IGF1R: variants seen among roughly 807,000 people sequenced by gnomAD.
The protein encoded by IGF1R is insulin-like growth factor 1 receptor.
A neutral mutation model predicts 144.6 loss-of-function variants in IGF1R; 44 were observed. That is an observed-to-expected ratio of 0.30 (90% CI 0.24 to 0.39). IGF1R has a LOEUF of 0.39. Among genes scored for constraint, IGF1R ranks in the 10% least tolerant of loss-of-function variants. The pLI, the probability that IGF1R is intolerant of heterozygous loss-of-function variation, is 1.00. For synonymous variants in IGF1R, 795 were observed against 722.8 expected (o/e 1.10, Z -1.60); for missense variants, 1,355 against 1,833.7 (o/e 0.74, Z 4.77).
intron 2 of IGF1R, among the ~76,000 whole-genome samples, chr15:98,827,575 A>G (rs2056916826): frequency 6.6e-6 from 1 of 152,016 alleles, no homozygotes; most frequent in Non-Finnish European, 1.5e-5. Context: ...GGCCTTTTAA[A>G]CCAACTCTCA....
At chr15:98,873,164 A>AT (rs767092679) in intron 2 of IGF1R, among the ~76,000 whole-genome samples, 20 of 152,084 alleles carry the variant, frequency 1.3e-4, no homozygotes, top group Admixed American at 7.2e-4. Context: ...CAGCTGGTAA[A>AT]TTTTTTTACA....
At chr15:98,898,257 C>G (rs1426070094) in intron 4 of IGF1R, among the ~76,000 whole-genome samples, 2 of 152,214 alleles carry the variant, frequency 1.3e-5, no homozygotes, top group African/African-American at 4.8e-5. Flanking sequence ...AGTGCCTAAA[C>G]TTTTTTATCT....
chr15:98,916,918 C>T (rs1302095481), intron 10 of IGF1R, 42 bp downstream of exon 10: 4 of 1,556,950 alleles, frequency 2.6e-6, no homozygotes, highest in African/African-American at 1.4e-5. Context: ...AAACCCACTG[C>T]TCAGGCCGGT....
At chr15:98,872,163 C>T (rs1430180578) in intron 2 of IGF1R, among the ~76,000 whole-genome samples, 6 of 152,194 alleles carry the variant, frequency 3.9e-5, no homozygotes, top group African/African-American at 2.4e-5. Flanking sequence ...AGATTATTTT[C>T]GAGCGAATGG....
At chr15:98,901,388 C>T (rs2014475127) in intron 5 of IGF1R, among the ~76,000 whole-genome samples, 1 of 152,192 alleles carries the variant, frequency 6.6e-6, no homozygotes, top group African/African-American at 2.4e-5. Flanking sequence ...TCTTTTACCT[C>T]CCGATGGGAA....
chr15:98,786,414 T>C (rs2055998512), intron 2 of IGF1R, among the ~76,000 whole-genome samples: 1 of 151,994 alleles, frequency 6.6e-6, no homozygotes, highest in African/African-American at 2.4e-5. Flanking sequence ...AAAACACCTC[T>C]AGATTTTTCT....
At chr15:98,771,717 C>T (rs1328805585) in intron 2 of IGF1R, among the ~76,000 whole-genome samples, 2 of 141,058 alleles carry the variant, frequency 1.4e-5, no homozygotes, top group East Asian at 2.1e-4. Flanking sequence ...TGAACATTTT[C>T]ATGTTCAAAT....
chr15:98,865,189 T>A (rs932493516), intron 2 of IGF1R, among the ~76,000 whole-genome samples: 4 of 152,204 alleles, frequency 2.6e-5, no homozygotes, highest in Non-Finnish European at 5.9e-5. Flanking sequence ...GGCACAGAAT[T>A]CACAATATCA....
chr15:98,892,736 G>A (rs1429685247), intron 3 of IGF1R, among the ~76,000 whole-genome samples: 1 of 152,102 alleles, frequency 6.6e-6, no homozygotes, highest in Non-Finnish European at 1.5e-5. Context: ...GCAGAGTAAA[G>A]AACTTTTAGG....
At chr15:98,802,920 A>G in intron 2 of IGF1R, among the ~76,000 whole-genome samples, 1 of 152,200 alleles carries the variant, frequency 6.6e-6, no homozygotes, top group East Asian at 1.9e-4. Flanking sequence ...TTCTACTGGT[A>G]ATTGTTTCCA....
intron 2 of IGF1R, among the ~76,000 whole-genome samples, chr15:98,865,744 C>G (rs898964680): frequency 6.6e-6 from 1 of 152,226 alleles, no homozygotes; most frequent in Non-Finnish European, 1.5e-5. Flanking sequence ...ACTGGTGGAT[C>G]CGTCTCACAG....
intron 1 of IGF1R, among the ~76,000 whole-genome samples, chr15:98,692,383 A>G (rs1373899303): frequency 1.3e-5 from 2 of 152,130 alleles, no homozygotes; most frequent in Non-Finnish European, 2.9e-5. Flanking sequence ...TGCTCTGTTC[A>G]GGCTGGAATG....
At chr15:98,711,115 G>A (rs576942644) in intron 2 of IGF1R, among the ~76,000 whole-genome samples, 14 of 152,174 alleles carry the variant, frequency 9.2e-5, no homozygotes, top group East Asian at 7.7e-4. Flanking sequence ...TCACTGCAGC[G>A]CTCATAGCCC....
In IGF1R at chr15:98,908,866, A is replaced by G. The variant is rs2014857301; in HGVS notation, c.1429A>G (p.Ile477Val). 7 of 1,614,024 alleles carry G rather than the reference A, an allele frequency of 4.3e-6. No individual in the cohort carries two copies. Among genetic ancestry groups the G allele is most frequent in the African/African-American group, 1.3e-5 (1 of 74,958 alleles). ...GTKGRQSKGD[I>V]NTRNNGERAS... ...TAAAGGGCGCCAAAGCAAAGGGGAC[A>G]TAAACACCAGGAACAACGGGGAGAG... The change falls in exon 6 of 21, where the codon ATA becomes GTA. Residue 477 changes from isoleucine to valine, a missense_variant. Physicochemically the swap from Ile to Val is conservative, Grantham distance 29. Transcript: ENST00000650285.
chr15:98,744,718 A>G (rs911839305), intron 2 of IGF1R, among the ~76,000 whole-genome samples: 20 of 151,912 alleles, frequency 1.3e-4, no homozygotes, highest in African/African-American at 4.4e-4. Flanking sequence ...GGTAAGAGGA[A>G]GGACAGATGG....
chr15:98,814,233 T>C (rs182194063), intron 2 of IGF1R, among the ~76,000 whole-genome samples: 7 of 152,354 alleles, frequency 4.6e-5, no homozygotes, highest in Admixed American at 4.6e-4. Flanking sequence ...TAATTTAAGT[T>C]ACTCTTTCTG....
chr15:98,789,129 A>G (rs978441979), intron 2 of IGF1R, among the ~76,000 whole-genome samples: 1 of 152,174 alleles, frequency 6.6e-6, no homozygotes, highest in Non-Finnish European at 1.5e-5. Flanking sequence ...GGAAAGACAA[A>G]CATACCTTAA....
At chr15:98,773,206 C>T (rs1024183037) in intron 2 of IGF1R, among the ~76,000 whole-genome samples, 1 of 152,148 alleles carries the variant, frequency 6.6e-6, no homozygotes, top group Non-Finnish European at 1.5e-5. Flanking sequence ...AGATGACCCC[C>T]GTGCTGCATG....
chr15:98,891,256 TG>T lies in IGF1R; in HGVS notation c.641-67del. 1.4e-6 allele frequency: 2 copies of T among 1,463,578 alleles called. No individual in the cohort carries two copies. The highest frequency in any genetic ancestry group is 1.9e-6 in the Non-Finnish European group (2 of 1,065,946). 90.7% of individuals were successfully genotyped at this position (1,463,578 alleles called of 1,614,324 possible). On this transcript the variant is annotated intron_variant, in intron 2 of 20. Transcript: ENST00000650285. This position sits in a 1 kb window ranked among gnomAD's most constrained non-coding sequence, Gnocchi z 4.7. ...AGCAGTGAATGACCCAGAAGGATGCTGGCCAGGCCCAGAGAAGGCGGTGCCT... is the reference window on the plus strand; with the variant it reads ...AGCAGTGAATGACCCAGAAGGATGCTGCCAGGCCCAGAGAAGGCGGTGCCT...
Sources: gnomAD v4.1 joint callset for allele counts (sites outside exome capture counted in the v4.1 genomes callset) on GRCh38, gnomAD v4.1.1 for gene constraint, Gnocchi (gnomAD v3.1) non-coding constraint, MANE v1.5 for transcripts, NCBI Gene and HGNC (gene_info 2026-07-23, HGNC 2026-07-21) for gene names.